The following UGT1A10 variants were observed in gnomAD, a reference collection of about 807,000 sequenced individuals.
UGT1A10 encodes UDP-glucuronosyltransferase 1A10.
In UGT1A10, 49 loss-of-function variants were observed where a neutral mutation model predicts 45.8. That is an observed-to-expected ratio of 1.07 (90% CI 0.85 to 1.36). The LOEUF is 1.36. Ranked by LOEUF, UGT1A10 falls within the 40% of genes most tolerant of loss-of-function variation. UGT1A10 has a pLI of 0.00. For missense variants in UGT1A10, 745 were observed against 668.6 expected, an observed-to-expected ratio of 1.11 and a Z score of -1.26; for synonymous variants, 284 against 249.7, an observed-to-expected ratio of 1.14 and a Z score of -1.29.
At chr2:233,747,872 G>A (rs1394034943) in intron 1 of UGT1A10, 4 of 1,613,378 alleles carry the variant, frequency 2.5e-6, no homozygotes, top group African/African-American at 1.3e-5. Flanking sequence ...CTCTGGCCCT[G>A]TCCTACCTTT....
Position 233,693,395 on chromosome 2 carries a change from C to T in UGT1A10, c.855+56018C>T, listed in dbSNP as rs377558341. On this transcript the variant is annotated intron_variant, in intron 1 of 4. Transcript: ENST00000344644. ...CTTCATCAACTGCCAGAGCCTCCTG[C>T]AGGACAGGGACACCCTGAACTTCTT... The T allele has an allele frequency of 2.5e-6, 4 of 1,614,046 alleles. No homozygotes were observed. In the African/African-American group the frequency reaches 4.0e-5, roughly 16 times the overall value.
At chr2:233,693,145 G>A (rs1469805529) in intron 1 of UGT1A10, 3 of 1,614,086 alleles carry the variant, frequency 1.9e-6, no homozygotes, top group African/African-American at 2.7e-5. Flanking sequence ...ATATAGTTGA[G>A]GTTCTCAGTG....
chr2:233,683,343 A>G (rs1255064988), intron 1 of UGT1A10, among the ~76,000 whole-genome samples: 1 of 152,188 alleles, frequency 6.6e-6, no homozygotes, highest in African/African-American at 2.4e-5. Flanking sequence ...ATTGCATGGT[A>G]GTCTTTACTT....
chr2:233,760,580 A>G, intron 1 of UGT1A10: 1 of 1,614,212 alleles, frequency 6.2e-7, no homozygotes, highest in Non-Finnish European at 8.5e-7. Context: ...CTCGGGCATA[A>G]TGTTTTTGAG....
At chr2:233,672,140 C>T (rs2074212137) in intron 1 of UGT1A10, 1 of 1,614,186 alleles carries the variant, frequency 6.2e-7, no homozygotes, top group African/African-American at 1.3e-5. Context: ...CTGGGAAGAT[C>T]ACTGAATTGC....
At chr2:233,663,495 T>C (rs536136883) in intron 1 of UGT1A10, among the ~76,000 whole-genome samples, 1 of 152,114 alleles carries the variant, frequency 6.6e-6, no homozygotes, top group East Asian at 1.9e-4. Flanking sequence ...TGCCAGCTGA[T>C]CCATCAAGGA....
At chr2:233,750,181 G>A (rs571998663) in intron 1 of UGT1A10, among the ~76,000 whole-genome samples, 9 of 151,994 alleles carry the variant, frequency 5.9e-5, no homozygotes. Context: ...TGCTGATAAT[G>A]TTGTGGACAA....
chr2:233,741,051 T>G (rs1437462730), intron 1 of UGT1A10, among the ~76,000 whole-genome samples: 1 of 151,772 alleles, frequency 6.6e-6, no homozygotes, highest in Non-Finnish European at 1.5e-5. Context: ...CTTGCCTAGG[T>G]AACAGCTACA....
rs763548038 is a variant in UGT1A10 at position 233,772,319 on chromosome 2, G to A, written c.1353G>A (p.Pro451=). The A allele has an allele frequency of 6.2e-6, 10 of 1,614,046 alleles. No homozygotes were observed. The highest frequency in any genetic ancestry group is 7.6e-6 in the Non-Finnish European group (9 of 1,180,038). The change falls in exon 5 of 5, where the codon CCG becomes CCA. Residue 451 remains proline (P), a synonymous_variant. Coordinates refer to ENST00000344644, the MANE Select transcript of UGT1A10 (RefSeq NM_019075.4). ...TTCACAAGGACCGCCCGGTGGAGCC[G>A]CTGGACCTGGCCGTGTTCTGGGTGG... ...SSLHKDRPVE[P]LDLAVFWVEF...
intron 4 of UGT1A10, chr2:233,770,929 T>C (rs1212453952): frequency 6.6e-6 from 1 of 152,194 alleles, no homozygotes; most frequent in African/African-American, 2.4e-5. Context: ...CTGACATCAC[T>C]TGGCTGCCGG....
At chr2:233,676,433 T>C (rs150528789) in intron 1 of UGT1A10, among the ~76,000 whole-genome samples, 2 of 152,316 alleles carry the variant, frequency 1.3e-5, no homozygotes, top group African/African-American at 4.8e-5. Flanking sequence ...TTGTTAAATC[T>C]CATGTTTCTA....
chr2:233,690,565 A>G, intron 1 of UGT1A10: 1 of 1,289,360 alleles, frequency 7.8e-7, no homozygotes, highest in Non-Finnish European at 1.0e-6. Context: ...AGCCTGAGTC[A>G]TTCAGCCTGC....
intron 1 of UGT1A10, among the ~76,000 whole-genome samples, chr2:233,662,964 A>G (rs1452355127): frequency 6.6e-6 from 1 of 152,150 alleles, no homozygotes; most frequent in Non-Finnish European, 1.5e-5. Context: ...TTATTTTATC[A>G]TTAATTATGG....
chr2:233,663,621 G>A (rs2074016834), intron 1 of UGT1A10, among the ~76,000 whole-genome samples: 1 of 152,160 alleles, frequency 6.6e-6, no homozygotes, highest in Non-Finnish European at 1.5e-5. Flanking sequence ...TGTGGCTAAT[G>A]CTAGTCCTAC....
intron 1 of UGT1A10, among the ~76,000 whole-genome samples, chr2:233,666,987 T>C (rs1161878502): frequency 2.0e-5 from 3 of 152,196 alleles, no homozygotes; most frequent in Non-Finnish European, 4.4e-5. Flanking sequence ...ACTCATCATT[T>C]TTTATGGCTG....
At chr2:233,736,071 G>A (rs1216077159) in intron 1 of UGT1A10, among the ~76,000 whole-genome samples, 1 of 152,146 alleles carries the variant, frequency 6.6e-6, no homozygotes, top group Non-Finnish European at 1.5e-5. Flanking sequence ...TGCTAGGTTT[G>A]GGAAGTTCTC....
intron 1 of UGT1A10, among the ~76,000 whole-genome samples, chr2:233,739,213 A>G (rs1053433139): frequency 6.6e-6 from 1 of 152,254 alleles, no homozygotes; most frequent in Non-Finnish European, 1.5e-5. Context: ...CTGCATGGAT[A>G]GAGTCCTTAT....
intron 1 of UGT1A10, among the ~76,000 whole-genome samples, chr2:233,689,694 G>A (rs910850129): frequency 5.9e-5 from 9 of 152,284 alleles, no homozygotes; most frequent in Non-Finnish European, 7.4e-5. Context: ...GAGTTCAGTC[G>A]TTATTTCCCC....
intron 1 of UGT1A10, among the ~76,000 whole-genome samples, chr2:233,736,629 C>T (rs558858921): frequency 6.6e-6 from 1 of 152,208 alleles, no homozygotes; most frequent in Admixed American, 6.5e-5. Flanking sequence ...CTTTTCTGCT[C>T]TAGTTTCCCC....
Sources: gnomAD v4.1 joint callset for allele counts (sites outside exome capture counted in the v4.1 genomes callset) on GRCh38, gnomAD v4.1.1 for gene constraint, MANE v1.5 for transcripts, NCBI Gene and HGNC (gene_info 2026-07-23, HGNC 2026-07-21) for gene names.